Variants in DPEP1 observed in about 807,000 individuals in gnomAD.
The protein encoded by DPEP1 is beta-lactamase.
A neutral mutation model predicts 42.3 loss-of-function variants in DPEP1; 50 were observed. The observed-to-expected ratio is 1.18, with a 90% CI of 0.94 to 1.50. The LOEUF is 1.50. Among genes scored for constraint, DPEP1 ranks in the 40% most tolerant of loss-of-function variants. DPEP1 has a pLI of 0.00. For missense variants in DPEP1, 663 were observed against 553.0 expected, an observed-to-expected ratio of 1.20 and a Z score of -1.99; for synonymous variants, 297 against 234.0, an observed-to-expected ratio of 1.27 and a Z score of -2.46.
At position 89,638,174 on chromosome 16, in the gene DPEP1, C is replaced by T. The variant is rs148905013; in HGVS notation, c.1188C>T (p.Leu396=). 1.2e-6 allele frequency: 2 copies of T among 1,602,846 alleles called. No homozygotes were observed. The highest frequency in any genetic ancestry group is 1.7e-5 in the Admixed American group (1 of 59,244). ...GASSLHRHWG[L]LLASLAPLVL... is the part of the protein sequence containing the mutation. Reference sequence around the variant, plus strand: ...CCAGCCTCCATCGCCACTGGGGGCTCCTGCTGGCCTCCCTCGCTCCCCTGG... The same window carrying T: ...CCAGCCTCCATCGCCACTGGGGGCTTCTGCTGGCCTCCCTCGCTCCCCTGG... Residue 396 remains leucine, a synonymous_variant, in exon 11 of 11, where the codon CTC becomes CTT. Transcript: ENST00000690203.
chr16:89,620,337 G>A (rs961793593), intron 1 of DPEP1, among the ~76,000 whole-genome samples: 17 of 152,190 alleles, frequency 1.1e-4, no homozygotes, highest in Non-Finnish European at 1.6e-4. Context: ...CTCTGGGCTC[G>A]TTGGGCTGGG....
chr16:89,627,266 C>T (rs562054128), intron 1 of DPEP1, among the ~76,000 whole-genome samples: 2 of 107,142 alleles, frequency 1.9e-5, no homozygotes, highest in African/African-American at 7.2e-5. Context: ...GAGTGAGACT[C>T]CGTCTCAAAA....
At chr16:89,630,764 G>T (rs1411179532) in intron 2 of DPEP1, among the ~76,000 whole-genome samples, 2 of 147,798 alleles carry the variant, frequency 1.4e-5, no homozygotes, top group South Asian at 4.4e-4. Context: ...TTTGGCCTGG[G>T]GAGTTGGGGC....
At chr16:89,626,690 C>A (rs966812351) in intron 1 of DPEP1, among the ~76,000 whole-genome samples, 1 of 151,894 alleles carries the variant, frequency 6.6e-6, no homozygotes, top group Non-Finnish European at 1.5e-5. Context: ...GCAGTCCCCC[C>A]CTCAAACTCT....
intron 1 of DPEP1, among the ~76,000 whole-genome samples, chr16:89,616,607 C>G (rs1318217459): frequency 1.3e-5 from 2 of 152,194 alleles, no homozygotes; most frequent in Non-Finnish European, 2.9e-5. Context: ...CAGCAGGATT[C>G]CCGGGTGGCT....
chr16:89,641,220 C>T (rs952489098), downstream of DPEP1, among the ~76,000 whole-genome samples: 12 of 151,714 alleles, frequency 7.9e-5, no homozygotes, highest in Admixed American at 5.2e-4. Context: ...CGGAGGGCTG[C>T]GGGGGGGGGT....
downstream of DPEP1, among the ~76,000 whole-genome samples, chr16:89,640,791 C>A (rs551086367): frequency 6.6e-6 from 1 of 152,024 alleles, no homozygotes; most frequent in Non-Finnish European, 1.5e-5. Flanking sequence ...CGGAGACGAG[C>A]GATCATAGAA....
downstream of DPEP1, among the ~76,000 whole-genome samples, chr16:89,640,103 C>T (rs1367021292): frequency 6.6e-6 from 1 of 152,194 alleles, no homozygotes; most frequent in African/African-American, 2.4e-5. Context: ...TGCCCAGCAC[C>T]AGGTCCTCCT....
At chr16:89,633,797 G>GGAGCTGTCCTCAAGGAAAGCACCAA (rs1212413818) in intron 2 of DPEP1, among the ~76,000 whole-genome samples, 237 of 151,492 alleles carry the variant, frequency 1.6e-3, no homozygotes, top group Middle Eastern at 3.4e-3. Context: ...GAGGCACAGG[G>GGAGCTGTCCTCAAGGAAAGCACCAA]ATGGGTCTGG....
intron 2 of DPEP1, among the ~76,000 whole-genome samples, chr16:89,633,239 G>A (rs573446230): frequency 8.0e-4 from 122 of 152,332 alleles, no homozygotes; most frequent in African/African-American, 2.7e-3. Flanking sequence ...ACTCTGCTCC[G>A]AGGGCTGGGG....
chr16:89,640,737 A>G (rs889797275), downstream of DPEP1: 56 of 630,124 alleles, frequency 8.9e-5, no homozygotes, highest in Non-Finnish European at 1.0e-4. Flanking sequence ...TATTAACAGT[A>G]TTTGTAGGGT....
intron 1 of DPEP1, among the ~76,000 whole-genome samples, chr16:89,628,815 G>T (rs1418875241): frequency 6.6e-6 from 1 of 151,762 alleles, no homozygotes; most frequent in Non-Finnish European, 1.5e-5. Flanking sequence ...GGGAGGGGGG[G>T]CGGTTTGTGT....
chr16:89,621,803 C>T (rs1398090230), intron 1 of DPEP1, among the ~76,000 whole-genome samples: 3 of 152,182 alleles, frequency 2.0e-5, no homozygotes, highest in African/African-American at 4.8e-5. Context: ...GTTCTAGGTA[C>T]GCGGACGTAT....
Position 89,637,839 on chromosome 16 carries a change from C to A in DPEP1, c.933C>A (p.Val311=). 1 of 1,612,714 alleles carries A rather than the reference C, an allele frequency of 6.2e-7. No homozygotes were observed. Among genetic ancestry groups the A allele is most frequent in the Non-Finnish European group, 8.5e-7 (1 of 1,179,888 alleles). ...GGTTCTCCTGGCCTCAACACAGGGT[C>A]CCTGAGGGGCTGGAGGACGTCTCCA... is the stretch of plus-strand genomic sequence containing the variant. ...FGGDFDGVPR[V]PEGLEDVSKY... The change falls in exon 10 of 11, where the codon GTC becomes GTA. Residue 311 remains valine (V), a synonymous_variant. Coordinates refer to ENST00000690203, the MANE Select transcript of DPEP1 (RefSeq NM_001389466.1).
chr16:89,638,395 C>A lies in DPEP1; in HGVS notation c.*173C>A. On this transcript the variant is annotated 3_prime_UTR_variant, in exon 11 of 11. Coordinates refer to ENST00000690203, the MANE Select transcript of DPEP1 (RefSeq NM_001389466.1). ...ATGCCTGGGGACAGTTCAGGACACA[C>A]ACACAGTAGGCCCGCAATAAAAGCA... 1 of 1,390,776 alleles carries A rather than the reference C, an allele frequency of 7.2e-7. No homozygotes were observed. Among genetic ancestry groups the A allele is most frequent in the Non-Finnish European group, 9.3e-7 (1 of 1,078,570 alleles). 86.2% of individuals were successfully genotyped at this position (1,390,776 alleles called of 1,614,324 possible).
In DPEP1 at chr16:89,637,809, G is replaced by T. The variant is rs771288706; in HGVS notation, c.930-27G>T. 2.5e-6 allele frequency: 4 copies of T among 1,612,624 alleles called. 1 individual carries two copies. The South Asian group carries it at 4.4e-5, about 18-fold the overall frequency. ...GAGGGACCTGTGTCCTAGTGTGGGGGCCCAGGTTCTCCTGGCCTCAACACA... is the reference window on the plus strand; with the variant it reads ...GAGGGACCTGTGTCCTAGTGTGGGGTCCCAGGTTCTCCTGGCCTCAACACA... On this transcript the variant is annotated intron_variant, in intron 9 of 10. Transcript: ENST00000690203.
intron 2 of DPEP1, among the ~76,000 whole-genome samples, chr16:89,632,245 G>A (rs2059597648): frequency 2.0e-5 from 3 of 152,120 alleles, no homozygotes; most frequent in Admixed American, 1.3e-4. Flanking sequence ...TAGAGACAGG[G>A]TTTCACCATG....
In DPEP1 at chr16:89,635,973, A is replaced by T; in HGVS notation, c.170A>T (p.Asn57Ile). 1 of 1,612,322 alleles carries T rather than the reference A, an allele frequency of 6.2e-7. No individual in the cohort carries two copies. Among genetic ancestry groups the T allele is most frequent in the Non-Finnish European group, 8.5e-7 (1 of 1,179,748 alleles). Residue 57 changes from asparagine to isoleucine, a missense_variant, in exon 3 of 11, where the codon AAC becomes ATC. Asn to Ile is a moderately radical substitution (Grantham distance 149, BLOSUM62 -3). Transcript: ENST00000690203. ...FNNRLQDERA[N>I]LTTLAGTHTN... ...AACCGGCTGCAGGACGAGAGGGCCA[A>T]CCTGACCACCTTGGCCGGCACACAC...
rs181173831 is a variant in DPEP1 at position 89,628,851 on chromosome 16, G to C, written c.-106-1454G>C. Among the ~76,000 whole-genome samples, 307 of 152,038 alleles carry C rather than the reference G, an allele frequency of 2.0e-3. 3 individuals carry two copies. Among genetic ancestry groups the C allele is most frequent in the African/African-American group, 7.2e-3 (297 of 41,480 alleles). ...TTTGTTTGTTTGTTTTTCTGAGATG[G>C]AGTCTTGATCTGTTGCCCAGGCTGA... On this transcript the variant is annotated intron_variant, in intron 1 of 10. Coordinates refer to ENST00000690203, the MANE Select transcript of DPEP1 (RefSeq NM_001389466.1).
Sources: gnomAD v4.1 joint callset for allele counts (sites outside exome capture counted in the v4.1 genomes callset) on GRCh38, gnomAD v4.1.1 for gene constraint, MANE v1.5 for transcripts, NCBI Gene and HGNC (gene_info 2026-07-23, HGNC 2026-07-21) for gene names.